Variants in ZFHX3 observed in about 807,000 individuals in gnomAD.
The protein encoded by ZFHX3 is zinc finger homeobox protein 3.
ZFHX3 carries 42 observed loss-of-function variants against 279.1 expected under a neutral mutation model. That is an observed-to-expected ratio of 0.15 (90% CI 0.12 to 0.19). The LOEUF is 0.19. Ranked by LOEUF, ZFHX3 falls within the 10% of genes least tolerant of loss-of-function variation. The pLI is 1.00. For missense variants in ZFHX3, 4,981 were observed against 4,754.0 expected, an observed-to-expected ratio of 1.05 and a Z score of -1.40; for synonymous variants, 2,293 against 1,957.8, an observed-to-expected ratio of 1.17 and a Z score of -4.52.
intron 1 of ZFHX3, among the ~76,000 whole-genome samples, chr16:73,813,380 G>A (rs74028496): frequency 0.03 from 4,571 of 151,908 alleles, 236 homozygotes; most frequent in African/African-American, 0.1. Context: ...CCAGGACTGG[G>A]GGCCTCTCTC....
rs188525936 is a variant in ZFHX3, at chr16:73,518,809, T to C, written c.-1546-62551A>G. 9.2e-5 allele frequency among the ~76,000 whole-genome samples: 14 copies of C among 152,296 alleles called. No homozygotes were observed. The East Asian group carries it at 1.9e-3, about 21-fold the overall frequency. ...AGTCCAACAAAGTCTTCGAAAAGCA[T>C]TGGATAGGCACTTGGTGACCAGTTT... On this transcript the variant is annotated intron_variant, in intron 2 of 17. Transcript: ENST00000641206.
intron 3 of ZFHX3, among the ~76,000 whole-genome samples, chr16:72,890,185 T>C (rs371845720): frequency 6.6e-6 from 1 of 152,188 alleles, no homozygotes. Flanking sequence ...GGATAGGACC[T>C]TGTGGGAGGT....
At chr16:73,190,887 AGAGAC>A (rs1374100957) in intron 5 of ZFHX3, among the ~76,000 whole-genome samples, 1 of 148,054 alleles carries the variant, frequency 6.8e-6, no homozygotes, top group Non-Finnish European at 1.5e-5. Flanking sequence ...GGAGAAGGAT[AGAGAC>A]CAGGGTGAAG....
chr16:73,534,363 C>T (rs2019858105), intron 2 of ZFHX3, among the ~76,000 whole-genome samples: 2 of 152,124 alleles, frequency 1.3e-5, no homozygotes. Context: ...CCTAACCATC[C>T]CATTTAAAAT....
chr16:73,120,838 T>C (rs138747952), intron 7 of ZFHX3, among the ~76,000 whole-genome samples: 1 of 151,880 alleles, frequency 6.6e-6, no homozygotes, highest in Non-Finnish European at 1.5e-5. Flanking sequence ...ATATTTTTAA[T>C]AGAGATGGGA....
At chr16:73,650,006 C>T (rs925438129) in intron 2 of ZFHX3, among the ~76,000 whole-genome samples, 2 of 152,052 alleles carry the variant, frequency 1.3e-5, no homozygotes, top group African/African-American at 2.4e-5. Context: ...TTTATCTGTG[C>T]GTCAGTTTAC....
chr16:73,692,283 T>C (rs1032586769), intron 1 of ZFHX3, among the ~76,000 whole-genome samples: 1 of 152,106 alleles, frequency 6.6e-6, no homozygotes, highest in Admixed American at 6.5e-5. Flanking sequence ...TGAATGAAAC[T>C]CTAAGAGTTT....
At chr16:72,941,016 G>T (rs1469014329) in intron 3 of ZFHX3, among the ~76,000 whole-genome samples, 1 of 152,198 alleles carries the variant, frequency 6.6e-6, no homozygotes, top group Non-Finnish European at 1.5e-5. Context: ...GAATTTTCAT[G>T]GTCTACATAT....
At chr16:72,933,823 T>TTCTTTTTTTTTTTTTTTTTTC (rs200057576) in intron 3 of ZFHX3, among the ~76,000 whole-genome samples, 1 of 141,906 alleles carries the variant, frequency 7.0e-6, no homozygotes. Flanking sequence ...CTTTTTTTTT[T>TTCTTTTTTTTTTTTTTTTTTC]TTTTTTTTTT....
Position 73,129,714 on chromosome 16 carries a change from A to ATGTGTGTG in ZFHX3, c.-897+1246_-897+1253dup, listed in dbSNP as rs34767541. Reference sequence around the variant, plus strand: ...CGCATGTGCATGTGTGTGCATGTGTATGTGTGTGTGTGTGTGTGTGTGTGT... The same window carrying ATGTGTGTG: ...CGCATGTGCATGTGTGTGCATGTGTATGTGTGTGTGTGTGTGTGTGTGTGTGTGTGTGT... On this transcript the variant is annotated intron_variant, in intron 7 of 17. Coordinates refer to the ZFHX3 transcript ENST00000641206. 7.4e-4 allele frequency among the ~76,000 whole-genome samples: 109 copies of ATGTGTGTG among 147,582 alleles called. 1 individual carries two copies. Among genetic ancestry groups the ATGTGTGTG allele is most frequent in the African/African-American group, 2.7e-3 (107 of 40,176 alleles).
chr16:73,555,164 A>AT lies in ZFHX3; in HGVS notation c.-1546-98907dup, dbSNP rs199796358. Among the ~76,000 whole-genome samples, 368 of 151,744 alleles carry AT rather than the reference A, an allele frequency of 2.4e-3. 2 individuals carry two copies. The highest frequency in any genetic ancestry group is 8.0e-3 in the African/African-American group (331 of 41,396). ...GAACATTGAAGGCAGTTCGTATTTTATTTTTTTTGAGGAGGAGTCTCGCTC... is the reference window on the plus strand; with the variant it reads ...GAACATTGAAGGCAGTTCGTATTTTATTTTTTTTTGAGGAGGAGTCTCGCTC... On this transcript the variant is annotated intron_variant, in intron 2 of 17. Transcript: ENST00000641206.
chr16:73,520,962 G>T (rs897834339), intron 2 of ZFHX3, among the ~76,000 whole-genome samples: 2 of 152,134 alleles, frequency 1.3e-5, no homozygotes, highest in South Asian at 2.1e-4. Context: ...AGAGGGACCA[G>T]GAAAACTATC....
At chr16:73,727,716 T>G (rs2142244997) in intron 1 of ZFHX3, among the ~76,000 whole-genome samples, 1 of 152,332 alleles carries the variant, frequency 6.6e-6, no homozygotes, top group African/African-American at 2.4e-5. Context: ...CTCAGGAATC[T>G]GCTTTTCTGT....
intron 3 of ZFHX3, among the ~76,000 whole-genome samples, chr16:73,417,644 T>C (rs543648933): frequency 2.0e-5 from 3 of 151,774 alleles, no homozygotes; most frequent in East Asian, 3.9e-4. Flanking sequence ...TTTTTTGTTG[T>C]CTAAAATAAT....
In ZFHX3 at chr16:73,298,848, G is replaced by A. The variant is rs184504674; in HGVS notation, c.-1194+19392C>T. 3.0e-3 allele frequency among the ~76,000 whole-genome samples: 458 copies of A among 152,304 alleles called. 9 individuals are homozygous for A. Among genetic ancestry groups the A allele is most frequent in the Admixed American group, 0.027 (420 of 15,300 alleles). On this transcript the variant is annotated intron_variant, in intron 4 of 17. Coordinates refer to the ZFHX3 transcript ENST00000641206. ...TTCGTTACTGATAGTGATGCCTGAC[G>A]TAAGGTAAGGTCTCTACTTTGCAGA...
At chr16:73,866,169 ATTTTTTTTTTT>A (rs34324522) in intron 1 of ZFHX3, among the ~76,000 whole-genome samples, 4 of 74,642 alleles carry the variant, frequency 5.4e-5, no homozygotes, top group East Asian at 4.6e-4. Context: ...TGCCAGGCTA[ATTTTTTTTTTT>A]TTTTTTTTTT....
chr16:73,308,224 C>CATATATATATATAT (rs56199536), intron 4 of ZFHX3, among the ~76,000 whole-genome samples: 1 of 108,736 alleles, frequency 9.2e-6, no homozygotes, highest in African/African-American at 4.1e-5. Context: ...CATATGCATG[C>CATATATATATATAT]ATATATATAT....
At chr16:73,013,119 CAAG>C (rs1963971586) in intron 1 of ZFHX3, among the ~76,000 whole-genome samples, 1 of 152,116 alleles carries the variant, frequency 6.6e-6, no homozygotes, top group Non-Finnish European at 1.5e-5. Flanking sequence ...AGGGGCTGTA[CAAG>C]AAGGGCAGAG....
intron 7 of ZFHX3, among the ~76,000 whole-genome samples, chr16:72,805,060 C>T (rs1004263329): frequency 6.6e-6 from 1 of 152,180 alleles, no homozygotes; most frequent in Non-Finnish European, 1.5e-5. Context: ...TCACTGCAAC[C>T]TCCGCCTCCC....
Sources: allele counts gnomAD v4.1 joint callset (sites outside exome capture counted in the v4.1 genomes callset), GRCh38; gene constraint gnomAD v4.1.1; transcripts MANE v1.5; gene names NCBI Gene and HGNC (gene_info 2026-07-23, HGNC 2026-07-21).